The following GRID2 variants were observed in gnomAD, a reference collection of about 807,000 sequenced individuals.
GRID2 encodes glutamate ionotropic receptor delta type subunit 2, also known as glutamate receptor ionotropic, delta-2.
In GRID2, 33 loss-of-function variants were observed where a neutral mutation model predicts 114.8. The observed-to-expected ratio is 0.29, with a 90% confidence interval of 0.22 to 0.38. GRID2 has a LOEUF of 0.38. GRID2 is among the 10% of genes least tolerant of loss of function. The pLI, the probability that GRID2 is intolerant of heterozygous loss-of-function variation, is 1.00. For synonymous variants in GRID2, 505 were observed against 449.9 expected, an observed-to-expected ratio of 1.12 and a Z score of -1.55; for missense variants, 1,184 against 1,257.7, an observed-to-expected ratio of 0.94 and a Z score of 0.89.
chr4:92,532,054 G>C (rs1234878514), intron 1 of GRID2, among the ~76,000 whole-genome samples: 1 of 152,108 alleles, frequency 6.6e-6, no homozygotes, highest in African/African-American at 2.4e-5. Flanking sequence ...CCCTCAAATA[G>C]AGTTGTGGTT....
At chr4:92,703,704 C>T (rs188998026) in intron 2 of GRID2, among the ~76,000 whole-genome samples, 49 of 151,118 alleles carry the variant, frequency 3.2e-4, no homozygotes, top group African/African-American at 1.2e-3. Context: ...TTGCCTAGCA[C>T]ATGATGCATT....
intron 1 of GRID2, among the ~76,000 whole-genome samples, chr4:92,515,088 G>A (rs1314912210): frequency 2.0e-5 from 3 of 151,782 alleles, no homozygotes; most frequent in African/African-American, 4.8e-5. Context: ...TGACATAGTC[G>A]ATACATATAA....
intron 13 of GRID2, among the ~76,000 whole-genome samples, chr4:93,568,346 G>A (rs1415574052): frequency 6.6e-6 from 1 of 152,112 alleles, no homozygotes; most frequent in African/African-American, 2.4e-5. Flanking sequence ...AAAGTGGTTG[G>A]TAATCCCCTT....
intron 2 of GRID2, among the ~76,000 whole-genome samples, chr4:93,014,296 T>A (rs1382043162): frequency 6.6e-6 from 1 of 151,966 alleles, no homozygotes; most frequent in East Asian, 1.9e-4. Context: ...GAATACTATT[T>A]CAAAATATGA....
intron 1 of GRID2, among the ~76,000 whole-genome samples, chr4:92,315,728 C>A (rs1023480489): frequency 6.6e-6 from 1 of 151,890 alleles, no homozygotes; most frequent in Non-Finnish European, 1.5e-5. Context: ...CCCAACACTT[C>A]GGGAGGCTGA....
At chr4:92,851,558 A>G (rs1446243660) in intron 2 of GRID2, among the ~76,000 whole-genome samples, 1 of 151,994 alleles carries the variant, frequency 6.6e-6, no homozygotes, top group Non-Finnish European at 1.5e-5. Context: ...AATCTCAAAA[A>G]TGTAATTAAG....
intron 8 of GRID2, among the ~76,000 whole-genome samples, chr4:93,256,645 T>C (rs1749627549): frequency 6.6e-6 from 1 of 151,842 alleles, no homozygotes; most frequent in Admixed American, 6.6e-5. Flanking sequence ...ATATGATAGA[T>C]AGATAGAAAT....
At chr4:93,118,140 G>A (rs1461798950) in intron 4 of GRID2, among the ~76,000 whole-genome samples, 3 of 152,070 alleles carry the variant, frequency 2.0e-5, no homozygotes, top group South Asian at 2.1e-4. Context: ...TGTAGTCTAC[G>A]GCTTCTGCCA....
intron 1 of GRID2, among the ~76,000 whole-genome samples, chr4:92,492,942 A>G (rs933569935): frequency 3.3e-5 from 5 of 151,968 alleles, no homozygotes; most frequent in Non-Finnish European, 7.4e-5. Flanking sequence ...TAACCTGGCC[A>G]ACATGGTGAA....
At chr4:93,127,002 C>A (rs1444180396) in intron 4 of GRID2, among the ~76,000 whole-genome samples, 1 of 152,166 alleles carries the variant, frequency 6.6e-6, no homozygotes, top group Admixed American at 6.5e-5. Context: ...TTATTAGGTT[C>A]TTTCAGTTGT....
intron 2 of GRID2, among the ~76,000 whole-genome samples, chr4:92,795,641 G>A (rs1484579843): frequency 5.9e-5 from 9 of 151,904 alleles, no homozygotes; most frequent in Non-Finnish European, 1.2e-4. Flanking sequence ...TACACCATGT[G>A]CTTTACTTTC....
chr4:93,581,525 G>T (rs1417331245), intron 13 of GRID2, among the ~76,000 whole-genome samples: 1 of 152,124 alleles, frequency 6.6e-6, no homozygotes, highest in African/African-American at 2.4e-5. Context: ...TAAGAGGGCT[G>T]CTCTGAACTG....
chr4:92,489,867 A>G (rs1206728035), intron 1 of GRID2, among the ~76,000 whole-genome samples: 1 of 151,824 alleles, frequency 6.6e-6, no homozygotes, highest in Non-Finnish European at 1.5e-5. Context: ...AAAAAAGTAA[A>G]TGATTTCACT....
chr4:92,410,589 G>T (rs1193243085), intron 1 of GRID2, among the ~76,000 whole-genome samples: 1 of 152,116 alleles, frequency 6.6e-6, no homozygotes, highest in Non-Finnish European at 1.5e-5. Flanking sequence ...TGCATGGTGG[G>T]CTAAGAGCTT....
At chr4:93,148,964 T>C (rs891180431) in intron 4 of GRID2, among the ~76,000 whole-genome samples, 1 of 152,208 alleles carries the variant, frequency 6.6e-6, no homozygotes, top group Non-Finnish European at 1.5e-5. Context: ...GGTTCCCATA[T>C]CTTTTGCTTA....
intron 12 of GRID2, 150 bp from the exon 13 acceptor site, chr4:93,515,066 A>T (rs999918476): frequency 4.6e-5 from 19 of 414,472 alleles, no homozygotes; most frequent in Non-Finnish European, 7.3e-5. Context: ...CTTACACATT[A>T]TATCCTAATA....
chr4:93,215,333 T>A (rs1008350842), intron 5 of GRID2, among the ~76,000 whole-genome samples: 1 of 152,050 alleles, frequency 6.6e-6, no homozygotes, highest in South Asian at 2.1e-4. Context: ...ATTTGGAATT[T>A]AAAAAATTGG....
rs772724087 is a variant in GRID2 at position 93,524,785 on chromosome 4, GTATATATATATATATATATATATATATA to G, written c.2193+9376_2193+9403del. Among the ~76,000 whole-genome samples, 50 of 87,398 alleles carry G rather than the reference GTATATATATATATATATATATATATATA, an allele frequency of 5.7e-4. 2 individuals carry two copies. In the Middle Eastern group the frequency reaches 0.02, roughly 35 times the overall value. The allele number at this position is 87,398 out of a possible 152,430, so 57.3% of individuals were successfully genotyped here. On this transcript the variant is annotated intron_variant, in intron 13 of 15. Transcript: ENST00000282020. The stretch of plus-strand genomic sequence containing the variant: ...CAAGAAAAAATATATGTATGTATGT[GTATATATATATATATATATATATATATA>G]TGTATGTATGTATATATATATATAT...
At chr4:93,085,348 T>G in intron 3 of GRID2, 69 bp downstream of exon 3, 1 of 1,247,776 alleles carries the variant, frequency 8.0e-7, no homozygotes, top group Non-Finnish European at 1.2e-6. Flanking sequence ...CATTAAATCT[T>G]AAAAGTTTCA....
Sources: allele counts gnomAD v4.1 joint callset (sites outside exome capture counted in the v4.1 genomes callset), GRCh38; gene constraint gnomAD v4.1.1; transcripts MANE v1.5; gene names NCBI Gene and HGNC (gene_info 2026-07-23, HGNC 2026-07-21).